Variants in YEATS4 observed in about 807,000 individuals in gnomAD.
YEATS4 encodes the protein YEATS domain containing 4, also known as YEATS domain-containing protein 4.
A neutral mutation model predicts 30.1 loss-of-function variants in YEATS4; 17 were observed. The observed-to-expected ratio is 0.56, with a 90% CI of 0.39 to 0.85. The LOEUF is 0.85. Ranked by LOEUF, YEATS4 falls within the 40% of genes least tolerant of loss-of-function variation. The pLI is 0.00. For synonymous variants in YEATS4, 85 were observed against 87.5 expected, an observed-to-expected ratio of 0.97 and a Z score of 0.16; for missense variants, 142 against 268.3, an observed-to-expected ratio of 0.53 and a Z score of 3.29.
At chr12:69,362,933 G>C in intron 2 of YEATS4, 26 bp downstream of exon 2, 1 of 1,265,454 alleles carries the variant, frequency 7.9e-7, no homozygotes, top group Non-Finnish European at 1.0e-6. Flanking sequence ...TTCTGTAACT[G>C]TTTTACTTAA....
chr12:69,401,798 C>CT, the YEATS4 span, among the ~76,000 whole-genome samples: 1 of 152,184 alleles, frequency 6.6e-6, no homozygotes, highest in South Asian at 2.1e-4. Flanking sequence ...ACACGTTCTA[C>CT]TTTCTTTTGT....
the YEATS4 span, among the ~76,000 whole-genome samples, chr12:69,410,652 G>A: frequency 6.6e-6 from 1 of 152,196 alleles, no homozygotes; most frequent in Non-Finnish European, 1.5e-5. Context: ...AAGCAAGCAT[G>A]CTGTTTTGAG....
the YEATS4 span, among the ~76,000 whole-genome samples, chr12:69,415,459 G>A: frequency 6.6e-6 from 1 of 152,136 alleles, no homozygotes; most frequent in African/African-American, 2.4e-5. Context: ...CTTGTAGGAG[G>A]CTGAGGTGAG....
the YEATS4 span, among the ~76,000 whole-genome samples, chr12:69,396,024 G>A: frequency 6.6e-6 from 1 of 152,044 alleles, no homozygotes; most frequent in Non-Finnish European, 1.5e-5. Flanking sequence ...GTAACCTTAT[G>A]TAATACGCCT....
At chr12:69,419,213 T>C in the YEATS4 span, among the ~76,000 whole-genome samples, 1 of 147,786 alleles carries the variant, frequency 6.8e-6, no homozygotes, top group African/African-American at 2.5e-5. Flanking sequence ...CATCCTATTT[T>C]ACTTTTTTTT....
chr12:69,365,722 A>G (rs775778947), intron 3 of YEATS4, 23 bp downstream of exon 3: 2 of 1,605,242 alleles, frequency 1.2e-6, no homozygotes, highest in South Asian at 2.2e-5. Context: ...CTTTTGATTC[A>G]CAATATCCAA....
At chr12:69,407,741 A>T in the YEATS4 span, among the ~76,000 whole-genome samples, 2 of 43,022 alleles carry the variant, frequency 4.6e-5, no homozygotes, top group Non-Finnish European at 4.4e-5. Flanking sequence ...TTTGAGATGG[A>T]CTTTTGCTCT....
chr12:69,392,681 A>G (rs542438339), downstream of YEATS4, among the ~76,000 whole-genome samples: 2 of 152,306 alleles, frequency 1.3e-5, no homozygotes, highest in African/African-American at 4.8e-5. Flanking sequence ...TTTCTAACCA[A>G]TGTAGGTGTT....
chr12:69,417,175 T>A, the YEATS4 span, among the ~76,000 whole-genome samples: 1 of 134,610 alleles, frequency 7.4e-6, no homozygotes, highest in East Asian at 2.2e-4. Context: ...TTTTTTTTTT[T>A]GAGACAGAAT....
chr12:69,403,290 T>C, the YEATS4 span, among the ~76,000 whole-genome samples: 1 of 152,058 alleles, frequency 6.6e-6, no homozygotes, highest in Admixed American at 6.6e-5. Context: ...TTAAAAGGGA[T>C]TTGCATCCAG....
At chr12:69,410,146 C>A in the YEATS4 span, among the ~76,000 whole-genome samples, 1 of 152,312 alleles carries the variant, frequency 6.6e-6, no homozygotes, top group Middle Eastern at 3.4e-3. Context: ...GCATATAATT[C>A]AATGGTTTTT....
chr12:69,382,827 G>A (rs967231001), intron 6 of YEATS4, among the ~76,000 whole-genome samples: 1 of 152,220 alleles, frequency 6.6e-6, no homozygotes, highest in African/African-American at 2.4e-5. Flanking sequence ...AGGATTTGCT[G>A]ATGTTTTGAA....
chr12:69,404,966 G>C, the YEATS4 span, among the ~76,000 whole-genome samples: 6 of 152,320 alleles, frequency 3.9e-5, no homozygotes, highest in South Asian at 1.0e-3. Context: ...AGAGCAGAAA[G>C]CTGGTATATA....
Position 69,390,386 on chromosome 12 carries a change from T to TA in YEATS4, c.*71dup, listed in dbSNP as rs1256738206. On this transcript the variant is annotated 3_prime_UTR_variant, in exon 7 of 7. Coordinates refer to ENST00000247843, the MANE Select transcript of YEATS4 (RefSeq NM_006530.4). ...GTGGGCTTCACTGGAGAAATGGACT[T>TA]ACTGCAAATGCTGTGATGTTTCTTA... 7.2e-7 allele frequency: 1 copy of TA among 1,380,014 alleles called. No homozygotes were observed. The highest frequency in any genetic ancestry group is 9.7e-7 in the Non-Finnish European group (1 of 1,031,262). The allele number at this position is 1,380,014 out of a possible 1,614,324, so 85.5% of individuals were successfully genotyped here.
In YEATS4 at chr12:69,362,057, G is replaced by A. The variant is rs1218334332; in HGVS notation, c.52-731G>A. ...TTTGGAGACAGAGGCTCGCTCTGTTGCCCAGGCTGGAGTGCAATGGTATGA... is the reference window on the plus strand; with the variant it reads ...TTTGGAGACAGAGGCTCGCTCTGTTACCCAGGCTGGAGTGCAATGGTATGA... On this transcript the variant is annotated intron_variant, in intron 1 of 6. Transcript: ENST00000247843. Among the ~76,000 whole-genome samples, 16 of 118,300 alleles carry A rather than the reference G, an allele frequency of 1.4e-4. No homozygotes were observed. In the East Asian group the frequency reaches 3.7e-3, roughly 28 times the overall value. 77.6% of individuals were successfully genotyped at this position (118,300 alleles called of 152,430 possible).
At chr12:69,404,607 A>C in the YEATS4 span, among the ~76,000 whole-genome samples, 2 of 152,216 alleles carry the variant, frequency 1.3e-5, no homozygotes, top group African/African-American at 4.8e-5. Flanking sequence ...TGCCAGTGCC[A>C]TACCCTGGGA....
the YEATS4 span, among the ~76,000 whole-genome samples, chr12:69,399,465 T>G: frequency 7.9e-5 from 12 of 152,320 alleles, no homozygotes; most frequent in East Asian, 1.9e-4. Context: ...TCCACTAGAA[T>G]GGCTGCAATA....
At chr12:69,413,858 AAAAAAG>A in the YEATS4 span, among the ~76,000 whole-genome samples, 276 of 148,982 alleles carry the variant, frequency 1.9e-3, 6 homozygotes, top group Admixed American at 1.8e-3. Flanking sequence ...TCAAAAAAAA[AAAAAAG>A]AAAAAGAAAA....
downstream of YEATS4, among the ~76,000 whole-genome samples, chr12:69,392,694 G>A (rs1004371110): frequency 1.3e-5 from 2 of 152,132 alleles, no homozygotes; most frequent in Non-Finnish European, 2.9e-5. Context: ...TAGGTGTTTG[G>A]TGCTGTTATT....
Sources: allele counts gnomAD v4.1 joint callset (sites outside exome capture counted in the v4.1 genomes callset), GRCh38; gene constraint gnomAD v4.1.1; transcripts MANE v1.5; gene names NCBI Gene and HGNC (gene_info 2026-07-23, HGNC 2026-07-21).